Variants in DPP10 observed in about 807,000 individuals in gnomAD.
DPP10 encodes inactive dipeptidyl peptidase 10.
In DPP10, 33 loss-of-function variants were observed where a neutral mutation model predicts 120.9. The ratio of observed to expected loss-of-function variants is 0.27; its 90% CI spans 0.21 to 0.37. DPP10 has a LOEUF of 0.37. DPP10 is among the 10% of genes least tolerant of loss of function. The pLI, the probability that DPP10 is intolerant of heterozygous loss-of-function variation, is 1.00. For missense variants in DPP10, 816 were observed against 942.8 expected, an observed-to-expected ratio of 0.87 and a Z score of 1.76; for synonymous variants, 337 against 326.1, an observed-to-expected ratio of 1.03 and a Z score of -0.36.
intron 3 of DPP10, among the ~76,000 whole-genome samples, chr2:115,489,591 A>G (rs1406730707): frequency 1.3e-5 from 2 of 151,974 alleles, no homozygotes; most frequent in African/African-American, 4.8e-5. Flanking sequence ...CCTACAAACC[A>G]AAAAATTTTG....
At chr2:115,333,837 C>T (rs1354025005) in intron 2 of DPP10, among the ~76,000 whole-genome samples, 1 of 152,076 alleles carries the variant, frequency 6.6e-6, no homozygotes, top group Non-Finnish European at 1.5e-5. Context: ...CCCGACCTTT[C>T]TCTCTGGCTG....
intron 5 of DPP10, among the ~76,000 whole-genome samples, chr2:115,624,954 G>A (rs541556739): frequency 1.3e-5 from 2 of 152,200 alleles, no homozygotes; most frequent in South Asian, 4.1e-4. Flanking sequence ...ATACTTGAAC[G>A]AGATGTCTAA....
chr2:115,243,175 G>C (rs1278665893), intron 1 of DPP10, among the ~76,000 whole-genome samples: 3 of 152,156 alleles, frequency 2.0e-5, no homozygotes, highest in Non-Finnish European at 2.9e-5. Context: ...GCCTCCAATA[G>C]TATTTCCTTG....
chr2:115,777,230 T>C lies in DPP10; in HGVS notation c.1244T>C (p.Val415Ala). ...LIQSKSEQIT[V>A]RHLTSGNWEV... ...CAGAGTAAAAGTGAGCAAATTACCGTGCGGCATCTGACATCAGGAAACTGG... is the reference window on the plus strand; with the variant it reads ...CAGAGTAAAAGTGAGCAAATTACCGCGCGGCATCTGACATCAGGAAACTGG... Residue 415 changes from valine to alanine, a missense_variant, in exon 14 of 26, where the codon GTG becomes GCG. Val to Ala is a moderately conservative substitution (Grantham distance 64). Transcript: ENST00000410059. 1 of 1,613,036 alleles carries C rather than the reference T, an allele frequency of 6.2e-7. No individual in the cohort carries two copies. The highest frequency in any genetic ancestry group is 8.5e-7 in the Non-Finnish European group (1 of 1,179,298).
chr2:115,202,415 TAA>T (rs1313488403), intron 1 of DPP10, among the ~76,000 whole-genome samples: 2 of 152,230 alleles, frequency 1.3e-5, no homozygotes, highest in East Asian at 3.8e-4. Flanking sequence ...ATTTGCTGAT[TAA>T]ACTCCCTGGG....
At chr2:115,348,652 A>G (rs1475289377) in intron 3 of DPP10, among the ~76,000 whole-genome samples, 1 of 152,152 alleles carries the variant, frequency 6.6e-6, no homozygotes, top group Non-Finnish European at 1.5e-5. Context: ...CCACTGTGTC[A>G]GAAGACAATT....
chr2:115,671,198 C>G (rs2089845716), intron 5 of DPP10, among the ~76,000 whole-genome samples: 1 of 151,700 alleles, frequency 6.6e-6, no homozygotes, highest in African/African-American at 2.4e-5. Context: ...TTTTTAAATT[C>G]ATATAGGTTT....
intron 1 of DPP10, among the ~76,000 whole-genome samples, chr2:115,306,417 A>G (rs2061361819): frequency 6.6e-6 from 1 of 152,144 alleles, no homozygotes; most frequent in Non-Finnish European, 1.5e-5. Flanking sequence ...AGCATGAAAT[A>G]CAAGATTCTT....
intron 1 of DPP10, among the ~76,000 whole-genome samples, chr2:115,126,823 A>G (rs1031154851): frequency 1.3e-5 from 2 of 152,224 alleles, no homozygotes; most frequent in Admixed American, 6.5e-5. Context: ...ACAGAAGCAC[A>G]GAGCTGCATC....
intron 1 of DPP10, among the ~76,000 whole-genome samples, chr2:114,829,830 C>G (rs1686920922): frequency 6.6e-6 from 1 of 152,150 alleles, no homozygotes; most frequent in Non-Finnish European, 1.5e-5. Flanking sequence ...TGTGACAGAT[C>G]TTGAAAGCGT....
intron 1 of DPP10, among the ~76,000 whole-genome samples, chr2:114,727,606 C>A (rs1485760628): frequency 6.6e-6 from 1 of 152,154 alleles, no homozygotes; most frequent in Non-Finnish European, 1.5e-5. Context: ...ATGTACTTTT[C>A]CCTAATGGAG....
chr2:115,227,300 TCA>T (rs1191738699), intron 1 of DPP10, among the ~76,000 whole-genome samples: 1 of 152,180 alleles, frequency 6.6e-6, no homozygotes, highest in East Asian at 1.9e-4. Flanking sequence ...AATTTTTTTC[TCA>T]TAGTGAGGTC....
intron 1 of DPP10, among the ~76,000 whole-genome samples, chr2:115,086,452 C>CTTTT (rs70941026): frequency 9.4e-6 from 1 of 106,470 alleles, no homozygotes; most frequent in African/African-American, 3.4e-5. Flanking sequence ...CAATGTATTT[C>CTTTT]TTTTTTTTTT....
At chr2:115,670,637 T>C (rs1199726161) in intron 5 of DPP10, among the ~76,000 whole-genome samples, 3 of 152,170 alleles carry the variant, frequency 2.0e-5, no homozygotes, top group Non-Finnish European at 4.4e-5. Context: ...TGCTGAGATA[T>C]ATACCTACCA....
At chr2:115,229,638 C>CT (rs904832320) in intron 1 of DPP10, among the ~76,000 whole-genome samples, 1 of 151,850 alleles carries the variant, frequency 6.6e-6, no homozygotes, top group Non-Finnish European at 1.5e-5. Flanking sequence ...TTCTTAGGAC[C>CT]TTTGTCGAAA....
At position 114,638,112 on chromosome 2, in the gene DPP10, G is replaced by C. The variant is rs529508799; in HGVS notation, c.60+195274G>C. ...TTAATAATATTCTTCTAATCAATGA[G>C]CATGGAATGTTTTCCATTTATTTGC... On this transcript the variant is annotated intron_variant, in intron 1 of 25. Coordinates refer to ENST00000410059, the MANE Select transcript of DPP10 (RefSeq NM_020868.6). 2.6e-5 allele frequency among the ~76,000 whole-genome samples: 4 copies of C among 151,924 alleles called. No individual in the cohort carries two copies. The East Asian group carries it at 7.7e-4, about 29-fold the overall frequency.
At chr2:114,556,851 G>T (rs1234166390) in intron 1 of DPP10, among the ~76,000 whole-genome samples, 1 of 152,066 alleles carries the variant, frequency 6.6e-6, no homozygotes, top group Non-Finnish European at 1.5e-5. Context: ...TTGCTGAAAA[G>T]GTAAGATGAC....
chr2:115,439,929 T>C (rs1183395186), intron 3 of DPP10, among the ~76,000 whole-genome samples: 1 of 152,210 alleles, frequency 6.6e-6, no homozygotes, highest in African/African-American at 2.4e-5. Flanking sequence ...AAGTCTAGAT[T>C]ACATTGGATT....
At chr2:114,559,891 C>CAAAAAAAAAAAAAAAAAAAAAAAAAAAA (rs60833358) in intron 1 of DPP10, among the ~76,000 whole-genome samples, 2 of 65,950 alleles carry the variant, frequency 3.0e-5, no homozygotes, top group African/African-American at 4.9e-5. Flanking sequence ...AGAAAAAAAG[C>CAAAAAAAAAAAAAAAAAAAAAAAAAAAA]AAAAAAAAAA....
Sources: gnomAD v4.1 joint callset for allele counts (sites outside exome capture counted in the v4.1 genomes callset) on GRCh38, gnomAD v4.1.1 for gene constraint, MANE v1.5 for transcripts, NCBI Gene and HGNC (gene_info 2026-07-23, HGNC 2026-07-21) for gene names.